Variants in PARVG observed in about 807,000 individuals in gnomAD.
PARVG encodes gamma-parvin.
Under a neutral mutation model 44.4 loss-of-function variants are expected in PARVG, and 36 were observed. The observed-to-expected ratio is 0.81, with a 90% confidence interval of 0.62 to 1.07. The LOEUF (loss-of-function observed/expected upper bound fraction) is 1.07, where lower values mean the gene tolerates loss of function less well. PARVG is among the 50% of genes least tolerant of loss of function. The pLI, the probability that PARVG is intolerant of heterozygous loss-of-function variation, is 0.00. For missense variants in PARVG, 407 were observed against 407.4 expected, an observed-to-expected ratio of 1.00 and a Z score of 0.01; for synonymous variants, 170 against 174.1, an observed-to-expected ratio of 0.98 and a Z score of 0.19.
intron 1 of PARVG, among the ~76,000 whole-genome samples, chr22:44,174,558 CAAAAAA>C (rs202194271): frequency 2.1e-5 from 3 of 146,218 alleles, no homozygotes; most frequent in South Asian, 2.2e-4. Context: ...AACAAACAAA[CAAAAAA>C]AAAAACCCAC....
upstream of PARVG, among the ~76,000 whole-genome samples, chr22:44,176,582 T>C (rs576950170): frequency 1.9e-4 from 22 of 118,624 alleles, no homozygotes; most frequent in East Asian, 4.6e-3. Flanking sequence ...GTATAACACA[T>C]TGGATTTTTT....
intron 11 of PARVG, among the ~76,000 whole-genome samples, chr22:44,196,742 C>T (rs2054623749): frequency 6.6e-6 from 1 of 152,206 alleles, no homozygotes; most frequent in African/African-American, 2.4e-5. Context: ...GTCTTCCCTG[C>T]GTGGTTGTGT....
intron 8 of PARVG, 58 bp downstream of exon 8, chr22:44,192,162 C>T: frequency 6.5e-7 from 1 of 1,536,786 alleles, no homozygotes. Flanking sequence ...TGGATGGGGG[C>T]AGGGTGGGGG....
chr22:44,198,790 C>T, intron 12 of PARVG, 68 bp downstream of exon 12: 1 of 1,268,162 alleles, frequency 7.9e-7, no homozygotes, highest in Non-Finnish European at 1.2e-6. Flanking sequence ...ACTGGCATGA[C>T]CAGTCTGTTT....
chr22:44,191,769 A>G (rs2054552056), intron 7 of PARVG, among the ~76,000 whole-genome samples: 1 of 152,186 alleles, frequency 6.6e-6, no homozygotes, highest in Admixed American at 6.5e-5. Context: ...CTATACTGCC[A>G]ACATAAATCA....
intron 4 of PARVG, chr22:44,186,778 T>C (rs1460397044): frequency 1.9e-5 from 8 of 412,384 alleles, no homozygotes; most frequent in African/African-American, 4.0e-5. Flanking sequence ...TGGTTAGTGA[T>C]GGAGCTGGTC....
intron 12 of PARVG, among the ~76,000 whole-genome samples, chr22:44,205,431 A>G (rs1411779200): frequency 2.6e-5 from 4 of 152,100 alleles, no homozygotes; most frequent in Non-Finnish European, 5.9e-5. Context: ...CCTGATCCCT[A>G]TTGGGTATCC....
At chr22:44,176,801 G>A (rs139115), upstream of PARVG, among the ~76,000 whole-genome samples, 104,779 of 152,056 alleles carry the variant, frequency 0.69, 36,837 homozygotes, top group African/African-American at 0.82. Context: ...AAAAGGTTTA[G>A]TGGACTCACC....
At chr22:44,180,508 G>A (rs186111573), upstream of PARVG, among the ~76,000 whole-genome samples, 5 of 152,158 alleles carry the variant, frequency 3.3e-5, no homozygotes, top group South Asian at 1.0e-3. Flanking sequence ...ACACGCCCCA[G>A]CAAAATAGGT....
chr22:44,203,746 TC>T (rs2054741721), intron 12 of PARVG, among the ~76,000 whole-genome samples: 2 of 152,348 alleles, frequency 1.3e-5, no homozygotes, highest in South Asian at 2.1e-4. Flanking sequence ...GATGGGAACT[TC>T]CGGTGATGCT....
At position 44,182,229 on chromosome 22, in the gene PARVG, G is replaced by T. The variant is rs973190487; in HGVS notation, c.-13+312G>T. ...CTTGCCCAGGCTGCTGATCCCTTTG[G>T]GCAGCATCGAGTCCAGGCCCTCCTT... On this transcript the variant is annotated intron_variant, in intron 2 of 13. Coordinates refer to ENST00000444313, the MANE Select transcript of PARVG (RefSeq NM_022141.7). This position sits in a 1 kb window ranked among gnomAD's most constrained non-coding sequence, Gnocchi z 4.6. Among the ~76,000 whole-genome samples the T allele has an allele frequency of 6.6e-6, 1 of 152,182 alleles. No individual in the cohort carries two copies. The highest frequency in any genetic ancestry group is 6.5e-5 in the Admixed American group (1 of 15,288).
chr22:44,185,700 C>A (rs2054454807), intron 3 of PARVG, 108 bp from the exon 4 acceptor site: 1 of 895,390 alleles, frequency 1.1e-6, no homozygotes, highest in Non-Finnish European at 1.7e-6. Context: ...AGTGGCAGGA[C>A]CGGTGCCCCT....
At chr22:44,200,205 A>C (rs139156) in intron 12 of PARVG, among the ~76,000 whole-genome samples, 128,844 of 152,204 alleles carry the variant, frequency 0.85, 55,275 homozygotes, top group Middle Eastern at 0.93. Flanking sequence ...CCTTCCTACC[A>C]GGTAGGCCTG....
At chr22:44,179,408 C>T (rs1350152528), upstream of PARVG, among the ~76,000 whole-genome samples, 1 of 152,196 alleles carries the variant, frequency 6.6e-6, no homozygotes, top group East Asian at 1.9e-4. The surrounding 1 kb of genome is among the most constrained non-coding windows in gnomAD (Gnocchi z 4.2). Context: ...TCCCTGTATT[C>T]TGCACATACC....
At chr22:44,175,503 G>C (rs745989436) in intron 1 of PARVG, among the ~76,000 whole-genome samples, 4 of 152,232 alleles carry the variant, frequency 2.6e-5, no homozygotes, top group African/African-American at 7.2e-5. Flanking sequence ...GAGGTTTTCC[G>C]TGGAAACCCA....
At chr22:44,185,055 A>C (rs1428520434) in intron 3 of PARVG, 2 of 152,182 alleles carry the variant, frequency 1.3e-5, no homozygotes, top group African/African-American at 4.8e-5. Flanking sequence ...TCACCCGCCC[A>C]AGTGTTTGCT....
intron 3 of PARVG, 121 bp from the exon 4 acceptor site, chr22:44,185,687 G>C: frequency 1.4e-6 from 1 of 740,000 alleles, no homozygotes. Context: ...ACGCTGGGGC[G>C]GAAGTGGCAG....
chr22:44,181,892 T>C lies in PARVG; in HGVS notation c.-38T>C. The C allele has an allele frequency of 1.0e-6, 1 of 985,486 alleles. No homozygotes were observed. Among genetic ancestry groups the C allele is most frequent in the African/African-American group, 1.7e-5 (1 of 57,334 alleles). 61.0% of individuals were successfully genotyped at this position (985,486 alleles called of 1,614,324 possible). On this transcript the variant is annotated 5_prime_UTR_variant, in exon 2 of 14. Coordinates refer to ENST00000444313, the MANE Select transcript of PARVG (RefSeq NM_022141.7). ...CCACCCTTTGCACTCAGTAGGCCTT[T>C]GTTTTCCTGCGTGGAAAGCGGTTGG...
At chr22:44,175,361 A>C (rs2054309480) in intron 1 of PARVG, among the ~76,000 whole-genome samples, 2 of 152,166 alleles carry the variant, frequency 1.3e-5, no homozygotes, top group African/African-American at 4.8e-5. Context: ...GAGAATCTCG[A>C]GAAGGAAGGG....
Sources: allele counts gnomAD v4.1 joint callset (sites outside exome capture counted in the v4.1 genomes callset), GRCh38; gene constraint gnomAD v4.1.1; non-coding constraint Gnocchi (gnomAD v3.1); transcripts MANE v1.5; gene names NCBI Gene and HGNC (gene_info 2026-07-23, HGNC 2026-07-21).